Variants in WDR7 observed in about 807,000 individuals in gnomAD.
WDR7 encodes WD repeat domain 7.
A neutral mutation model predicts 169.4 loss-of-function variants in WDR7; 46 were observed. The ratio of observed to expected loss-of-function variants is 0.27; its 90% CI spans 0.21 to 0.35. The LOEUF is 0.35. WDR7 is among the 10% of genes least tolerant of loss of function. The pLI is 1.00. For synonymous variants in WDR7, 612 were observed against 666.8 expected, an observed-to-expected ratio of 0.92 and a Z score of 1.27; for missense variants, 1,534 against 1,859.3, an observed-to-expected ratio of 0.83 and a Z score of 3.22.
In WDR7 at chr18:56,690,279, A is replaced by G. The variant is rs1039606555; in HGVS notation, c.718-937A>G. ...CTGCGGTGATTCTCAGGGTCATATG[A>G]GATAATAATTGTAAAGGTACTTTGT... is the stretch of plus-strand genomic sequence containing the variant. On this transcript the variant is annotated intron_variant, in intron 7 of 27. Coordinates refer to ENST00000254442, the MANE Select transcript of WDR7 (RefSeq NM_015285.3). Among the ~76,000 whole-genome samples, 84 of 152,202 alleles carry G rather than the reference A, an allele frequency of 5.5e-4. 1 individual carries two copies. Among genetic ancestry groups the G allele is most frequent in the Non-Finnish European group, 7.3e-5 (5 of 68,038 alleles).
intron 20 of WDR7, among the ~76,000 whole-genome samples, chr18:56,858,731 T>G (rs549990781): frequency 1.3e-5 from 2 of 152,314 alleles, no homozygotes; most frequent in South Asian, 2.1e-4. Context: ...CTTCTAGGCT[T>G]GATTCATTAA....
intron 5 of WDR7, among the ~76,000 whole-genome samples, chr18:56,685,396 G>A (rs548433236): frequency 6.6e-6 from 1 of 152,302 alleles, no homozygotes; most frequent in Non-Finnish European, 1.5e-5. Flanking sequence ...TGGAGCCTAC[G>A]TTGACTGCTT....
Position 56,658,616 on chromosome 18 carries a change from A to G in WDR7, c.-20+7040A>G, listed in dbSNP as rs185828763. ...TTTCACATTTAAGCTATCTTCCTTA[A>G]AGGCTCTTCTTTTTTCTAAATGTTT... On this transcript the variant is annotated intron_variant, in intron 1 of 27. Coordinates refer to ENST00000254442, the MANE Select transcript of WDR7 (RefSeq NM_015285.3). Among the ~76,000 whole-genome samples, 16 of 152,330 alleles carry G rather than the reference A, an allele frequency of 1.1e-4. No individual in the cohort carries two copies. In the East Asian group the frequency reaches 3.1e-3, roughly 29 times the overall value.
intron 25 of WDR7, among the ~76,000 whole-genome samples, chr18:56,958,360 T>C (rs1462712867): frequency 1.3e-5 from 2 of 152,172 alleles, no homozygotes; most frequent in Non-Finnish European, 2.9e-5. Flanking sequence ...ATGATTATCT[T>C]TTAATTATGT....
chr18:56,850,257 TTTTA>T (rs996504395), intron 20 of WDR7, among the ~76,000 whole-genome samples: 1 of 152,226 alleles, frequency 6.6e-6, no homozygotes, highest in African/African-American at 2.4e-5. Context: ...AAATTATTTT[TTTTA>T]TTTATTTGTT....
intron 14 of WDR7, among the ~76,000 whole-genome samples, chr18:56,743,616 AAGG>A (rs1408805223): frequency 2.0e-5 from 3 of 152,214 alleles, no homozygotes; most frequent in Admixed American, 6.5e-5. Flanking sequence ...AGGATGTTGG[AAGG>A]AGAAGGTTCA....
At chr18:56,831,295 G>A (rs997831830) in intron 20 of WDR7, among the ~76,000 whole-genome samples, 8 of 152,124 alleles carry the variant, frequency 5.3e-5, no homozygotes, top group African/African-American at 1.9e-4. Flanking sequence ...AACAAGAGGG[G>A]ATGCTAAAGG....
At position 56,792,002 on chromosome 18, in the gene WDR7, T is replaced by TC. The variant is rs1169977118; in HGVS notation, c.3190+10348dup. ...AGGGAGAAAAATACAATTTTTTTTT[T>TC]CCTAAGGGGTTTTCTTTTCTTTTTC... On this transcript the variant is annotated intron_variant, in intron 19 of 27. Transcript: ENST00000254442. 7.9e-5 allele frequency among the ~76,000 whole-genome samples: 12 copies of TC among 152,114 alleles called. No individual in the cohort carries two copies. The East Asian group carries it at 1.9e-3, about 25-fold the overall frequency.
chr18:56,747,880 C>T (rs1365689199), intron 14 of WDR7, among the ~76,000 whole-genome samples: 1 of 151,946 alleles, frequency 6.6e-6, no homozygotes, highest in African/African-American at 2.4e-5. Flanking sequence ...TCACAGTGAC[C>T]CAAGGTTGAT....
chr18:57,017,767 C>A (rs1034939110), intron 26 of WDR7, among the ~76,000 whole-genome samples: 10 of 152,078 alleles, frequency 6.6e-5, no homozygotes, highest in African/African-American at 2.4e-4. Context: ...ATGAAAGCAA[C>A]AAATTTATCT....
chr18:56,697,601 A>G (rs2144649338), intron 12 of WDR7, among the ~76,000 whole-genome samples: 2 of 152,270 alleles, frequency 1.3e-5, no homozygotes, highest in Admixed American at 1.3e-4. Flanking sequence ...GGTGAAATAG[A>G]TATTATTGTA....
At chr18:56,808,153 A>G (rs1171781570) in intron 19 of WDR7, among the ~76,000 whole-genome samples, 8 of 152,170 alleles carry the variant, frequency 5.3e-5, no homozygotes, top group Non-Finnish European at 7.3e-5. Context: ...TCTGTCTGTC[A>G]TAAGGATTGT....
chr18:56,914,117 C>G (rs574546441), intron 21 of WDR7, among the ~76,000 whole-genome samples: 14 of 152,338 alleles, frequency 9.2e-5, no homozygotes, highest in African/African-American at 3.4e-4. Flanking sequence ...CTGCCTTGTT[C>G]ACTGCCATCC....
At chr18:56,888,969 A>C (rs1189562581) in intron 21 of WDR7, among the ~76,000 whole-genome samples, 8 of 152,216 alleles carry the variant, frequency 5.3e-5, no homozygotes, top group Non-Finnish European at 1.2e-4. Flanking sequence ...ATGACCCTTC[A>C]GACTTGTCCT....
chr18:56,900,347 G>A (rs755013173), intron 21 of WDR7, among the ~76,000 whole-genome samples: 1 of 152,052 alleles, frequency 6.6e-6, no homozygotes, highest in Non-Finnish European at 1.5e-5. Context: ...TTTAGGTAGT[G>A]TAAAGTTGGT....
At chr18:56,736,974 A>G (rs968487494) in intron 14 of WDR7, among the ~76,000 whole-genome samples, 1 of 152,150 alleles carries the variant, frequency 6.6e-6, no homozygotes, top group East Asian at 1.9e-4. Context: ...TGTAATTGGT[A>G]ATGATTAAAG....
At chr18:56,886,596 A>T (rs939019999) in intron 21 of WDR7, among the ~76,000 whole-genome samples, 1 of 152,220 alleles carries the variant, frequency 6.6e-6, no homozygotes, top group Non-Finnish European at 1.5e-5. Flanking sequence ...AACAAATAGC[A>T]CAATGAATAG....
Position 56,801,260 on chromosome 18 carries a change from A to G in WDR7, c.3191-14771A>G, listed in dbSNP as rs532956860. Among the ~76,000 whole-genome samples the G allele has an allele frequency of 8.5e-5, 13 of 152,318 alleles. 1 individual carries two copies. The South Asian group carries it at 1.7e-3, about 19-fold the overall frequency. The stretch of plus-strand genomic sequence containing the variant: ...CATGTGAAAAACCAGTTTACCAACT[A>G]TAGTGTAGTATTGTGTATAGTTATT... On this transcript the variant is annotated intron_variant, in intron 19 of 27. Coordinates refer to ENST00000254442, the MANE Select transcript of WDR7 (RefSeq NM_015285.3).
At chr18:56,772,478 C>T (rs531637701) in intron 16 of WDR7, among the ~76,000 whole-genome samples, 52 of 152,042 alleles carry the variant, frequency 3.4e-4, no homozygotes, top group African/African-American at 1.3e-3. Flanking sequence ...GAGAAGCTAT[C>T]GAGGGGTTTA....
Sources: gnomAD v4.1 joint callset for allele counts (sites outside exome capture counted in the v4.1 genomes callset) on GRCh38, gnomAD v4.1.1 for gene constraint, MANE v1.5 for transcripts, NCBI Gene and HGNC (gene_info 2026-07-23, HGNC 2026-07-21) for gene names.